The following SLC14A2 variants were observed in gnomAD, a reference collection of about 807,000 sequenced individuals.
The protein encoded by SLC14A2 is solute carrier family 14 member 2.
A neutral mutation model predicts 104.6 loss-of-function variants in SLC14A2; 91 were observed. That is an observed-to-expected ratio of 0.87 (90% confidence interval 0.73 to 1.04). SLC14A2 has a LOEUF of 1.04. Among genes scored for constraint, SLC14A2 ranks in the 50% least tolerant of loss-of-function variants. The probability of loss-of-function intolerance (pLI) is 0.00; values close to 1 mark genes in which losing one functional copy is unlikely to be tolerated. For missense variants in SLC14A2, 1,189 were observed against 1,156.0 expected (o/e 1.03, Z -0.41); for synonymous variants, 476 against 466.4 (o/e 1.02, Z -0.27).
chr18:45,452,494 A>G (rs1358219075), intron 1 of SLC14A2, among the ~76,000 whole-genome samples: 1 of 152,210 alleles, frequency 6.6e-6, no homozygotes, highest in Non-Finnish European at 1.5e-5. Context: ...CAATATCTAC[A>G]TTTTAGGTTC....
intron 1 of SLC14A2, among the ~76,000 whole-genome samples, chr18:45,474,706 G>A (rs745880394): frequency 5.9e-5 from 9 of 152,106 alleles, no homozygotes; most frequent in Admixed American, 1.3e-4. Context: ...TTGCATTTCC[G>A]TAGGTTCAGT....
intron 2 of SLC14A2, among the ~76,000 whole-genome samples, chr18:45,548,428 G>C (rs1002677097): frequency 6.6e-6 from 1 of 152,230 alleles, no homozygotes; most frequent in Non-Finnish European, 1.5e-5. Flanking sequence ...ATTTGGCAGG[G>C]CATGGTGTTT....
intron 1 of SLC14A2, among the ~76,000 whole-genome samples, chr18:45,421,010 A>T (rs921950004): frequency 1.1e-4 from 16 of 152,102 alleles, no homozygotes; most frequent in African/African-American, 3.6e-4. Context: ...AAGTGCTGGG[A>T]TTACAGACAT....
chr18:45,534,855 C>T (rs1222242925), intron 2 of SLC14A2, among the ~76,000 whole-genome samples: 1 of 152,162 alleles, frequency 6.6e-6, no homozygotes, highest in Non-Finnish European at 1.5e-5. Context: ...ATTTTCAGCC[C>T]TATGTGCCAT....
chr18:45,445,353 G>A (rs1160142032), intron 1 of SLC14A2, among the ~76,000 whole-genome samples: 1 of 152,054 alleles, frequency 6.6e-6, no homozygotes, highest in African/African-American at 2.4e-5. Context: ...CTCATGATCT[G>A]CCCGCCTCAG....
chr18:45,414,755 AAAATATATATATATATATATATAT>A (rs1342852163), intron 1 of SLC14A2, among the ~76,000 whole-genome samples: 1 of 64,142 alleles, frequency 1.6e-5, no homozygotes, highest in Non-Finnish European at 2.8e-5. Context: ...AAAAAAAAAA[AAAATATATATATATATATATATAT>A]ATATATATAT....
chr18:45,635,080 T>C, intron 5 of SLC14A2: 1 of 338,064 alleles, frequency 3.0e-6, no homozygotes, highest in South Asian at 2.4e-5. Flanking sequence ...TTTGCCTAAG[T>C]ACCTAGGTTG....
chr18:45,625,562 T>C, intron 2 of SLC14A2, 121 bp from the exon 3 acceptor site: 2 of 730,946 alleles, frequency 2.7e-6, no homozygotes, highest in Non-Finnish European at 4.2e-6. Flanking sequence ...GGGCATGTGT[T>C]CCACCCTTTG....
chr18:45,292,407 G>T (rs2084878949), intron 1 of SLC14A2, among the ~76,000 whole-genome samples: 1 of 152,232 alleles, frequency 6.6e-6, no homozygotes, highest in Non-Finnish European at 1.5e-5. Context: ...CATGGCAGTT[G>T]TGTTAGTGAC....
intron 1 of SLC14A2, among the ~76,000 whole-genome samples, chr18:45,287,714 T>C (rs537821614): frequency 6.6e-6 from 1 of 152,300 alleles, no homozygotes; most frequent in East Asian, 1.9e-4. Flanking sequence ...TTCTCTGGCT[T>C]CCAGGGCCTT....
At chr18:45,307,291 G>A (rs2144205823) in intron 1 of SLC14A2, among the ~76,000 whole-genome samples, 1 of 151,980 alleles carries the variant, frequency 6.6e-6, no homozygotes. Flanking sequence ...GGTGGTGGAT[G>A]CCTGTAATCC....
intron 1 of SLC14A2, among the ~76,000 whole-genome samples, chr18:45,622,334 G>C (rs1295254303): frequency 6.6e-6 from 1 of 150,738 alleles, no homozygotes; most frequent in Non-Finnish European, 1.5e-5. Context: ...TGAGTTTTCT[G>C]AAGGAATGGC....
At chr18:45,512,795 G>A (rs1437957421) in intron 2 of SLC14A2, among the ~76,000 whole-genome samples, 3 of 152,154 alleles carry the variant, frequency 2.0e-5, no homozygotes, top group Non-Finnish European at 4.4e-5. Flanking sequence ...AGATCACAAG[G>A]CCATTACTGG....
chr18:45,190,802 C>A, the SLC14A2 span, among the ~76,000 whole-genome samples: 1 of 152,124 alleles, frequency 6.6e-6, no homozygotes, highest in Non-Finnish European at 1.5e-5. Context: ...TTATTATCCG[C>A]ATATTACAGG....
chr18:45,598,361 T>C (rs7228189), intron 2 of SLC14A2, among the ~76,000 whole-genome samples: 84,418 of 151,896 alleles, frequency 0.56, 23,894 homozygotes, highest in East Asian at 0.85. Flanking sequence ...AGAAATGACA[T>C]GGCACTGCAG....
chr18:45,645,121 A>AT (rs2045596967), intron 10 of SLC14A2, among the ~76,000 whole-genome samples: 1 of 151,872 alleles, frequency 6.6e-6, no homozygotes, highest in South Asian at 2.1e-4. Flanking sequence ...GTGGTGTTTG[A>AT]TTTTCTGTTC....
chr18:45,411,063 A>C (rs563129673), intron 1 of SLC14A2, among the ~76,000 whole-genome samples: 1 of 152,220 alleles, frequency 6.6e-6, no homozygotes, highest in Non-Finnish European at 1.5e-5. Flanking sequence ...GATTGGCAAC[A>C]ATGATGTGAT....
chr18:45,404,351 C>T (rs931032333), intron 1 of SLC14A2, among the ~76,000 whole-genome samples: 14 of 152,118 alleles, frequency 9.2e-5, no homozygotes, highest in Admixed American at 1.3e-4. Flanking sequence ...ATAAATCAAA[C>T]GCCACTGCAG....
chr18:45,660,736 CAATGGCACACCTCATT>C (rs1336462433), intron 10 of SLC14A2, among the ~76,000 whole-genome samples: 5 of 152,194 alleles, frequency 3.3e-5, no homozygotes, highest in African/African-American at 1.2e-4. Flanking sequence ...CCCACCTCAC[CAATGGCACACCTCATT>C]TCTAAACATT....
Sources: gnomAD v4.1 joint callset for allele counts (sites outside exome capture counted in the v4.1 genomes callset) on GRCh38, gnomAD v4.1.1 for gene constraint, MANE v1.5 for transcripts, NCBI Gene and HGNC (gene_info 2026-07-23, HGNC 2026-07-21) for gene names.